DPP10: variants seen among roughly 807,000 people sequenced by gnomAD.
DPP10 encodes the protein inactive dipeptidyl peptidase 10.
In DPP10, 33 loss-of-function variants were observed where a neutral mutation model predicts 120.9. That is an observed-to-expected ratio of 0.27 (90% CI 0.21 to 0.37). DPP10 has a LOEUF of 0.37. Among genes scored for constraint, DPP10 ranks in the 10% least tolerant of loss-of-function variants. The pLI is 1.00. For synonymous variants in DPP10, 337 were observed against 326.1 expected (o/e 1.03, Z -0.36); for missense variants, 816 against 942.8 (o/e 0.87, Z 1.76).
intron 3 of DPP10, among the ~76,000 whole-genome samples, chr2:115,445,032 TAGTG>T (rs936320404): frequency 1.3e-5 from 2 of 152,228 alleles, no homozygotes; most frequent in African/African-American, 4.8e-5. Flanking sequence ...GTTCTTATGA[TAGTG>T]AGTTCTTATG....
In DPP10 at chr2:115,549,338, A is replaced by G. The variant is rs371383377; in HGVS notation, c.441+23366A>G. 1.2e-3 allele frequency among the ~76,000 whole-genome samples: 176 copies of G among 152,114 alleles called. 4 individuals carry two copies. The South Asian group carries it at 0.036, about 31-fold the overall frequency. ...GTGTGATCAGTCTTCTCCCAGTCCA[A>G]CACCCTTTGTCCTTTCTTGTGAGGT... On this transcript the variant is annotated intron_variant, in intron 5 of 25. Coordinates refer to ENST00000410059, the MANE Select transcript of DPP10 (RefSeq NM_020868.6).
intron 1 of DPP10, among the ~76,000 whole-genome samples, chr2:115,108,816 C>A (rs956980989): frequency 2.0e-5 from 3 of 152,120 alleles, no homozygotes; most frequent in South Asian, 2.1e-4. Flanking sequence ...AATGTTATTG[C>A]GGCATGATCA....
intron 1 of DPP10, among the ~76,000 whole-genome samples, chr2:114,624,383 C>CT (rs1212380909): frequency 7.2e-5 from 11 of 151,918 alleles, no homozygotes; most frequent in Non-Finnish European, 1.5e-4. Context: ...TCAAATTTGT[C>CT]TTTTTTGGCA....
intron 5 of DPP10, among the ~76,000 whole-genome samples, chr2:115,555,463 G>C (rs1002063891): frequency 6.6e-6 from 1 of 151,990 alleles, no homozygotes; most frequent in South Asian, 2.1e-4. Context: ...GGAAAACTAC[G>C]ATGAGAAGAG....
intron 17 of DPP10, among the ~76,000 whole-genome samples, chr2:115,784,656 C>A (rs1301340991): frequency 6.6e-6 from 1 of 152,060 alleles, no homozygotes; most frequent in African/African-American, 2.4e-5. Context: ...GCCTCAGCCC[C>A]CCGAGTAGCT....
chr2:114,549,850 A>T (rs1404065714), intron 1 of DPP10, among the ~76,000 whole-genome samples: 2 of 151,890 alleles, frequency 1.3e-5, no homozygotes, highest in Non-Finnish European at 2.9e-5. Context: ...GGTGTAAGAG[A>T]TCCTATCCTG....
At chr2:114,919,747 TTGAC>T (rs551445671) in intron 1 of DPP10, among the ~76,000 whole-genome samples, 67 of 152,336 alleles carry the variant, frequency 4.4e-4, no homozygotes, top group Middle Eastern at 3.4e-3. Context: ...ATTCTGATAG[TTGAC>T]TGGCATAACT....
At chr2:115,657,913 T>C (rs1167976450) in intron 5 of DPP10, among the ~76,000 whole-genome samples, 1 of 151,904 alleles carries the variant, frequency 6.6e-6, no homozygotes, top group Non-Finnish European at 1.5e-5. Flanking sequence ...CTTCCACAGC[T>C]GTGTGGAAGA....
In DPP10 at chr2:115,000,921, G is replaced by T. The variant is rs541832250; in HGVS notation, c.61-308318G>T. Among the ~76,000 whole-genome samples, 174 of 152,218 alleles carry T rather than the reference G, an allele frequency of 1.1e-3. 1 individual carries two copies. The highest frequency in any genetic ancestry group is 4.1e-3 in the African/African-American group (172 of 41,550). On this transcript the variant is annotated intron_variant, in intron 1 of 25. Coordinates refer to ENST00000410059, the MANE Select transcript of DPP10 (RefSeq NM_020868.6). ...ATTATACAAGAAAAAATTGATTAAG[G>T]TATGGCAGCTTTCTCTACTATCCAC...
intron 1 of DPP10, among the ~76,000 whole-genome samples, chr2:114,812,667 CTG>C (rs1040702591): frequency 4.0e-5 from 6 of 151,656 alleles, no homozygotes; most frequent in African/African-American, 1.5e-4. Context: ...GTTCTCACCT[CTG>C]TATCTCTACA....
At chr2:115,237,450 A>G (rs999768684) in intron 1 of DPP10, among the ~76,000 whole-genome samples, 17 of 152,174 alleles carry the variant, frequency 1.1e-4, no homozygotes, top group Non-Finnish European at 1.5e-5. Flanking sequence ...ATACACAGCA[A>G]CTTTGAAATT....
At chr2:114,666,495 G>A (rs1697933306) in intron 1 of DPP10, among the ~76,000 whole-genome samples, 1 of 152,098 alleles carries the variant, frequency 6.6e-6, no homozygotes, top group African/African-American at 2.4e-5. Context: ...CCATATCATG[G>A]GTATTTAGCA....
chr2:115,697,540 C>T (rs1253942108), intron 7 of DPP10, among the ~76,000 whole-genome samples: 1 of 151,074 alleles, frequency 6.6e-6, no homozygotes, highest in African/African-American at 2.4e-5. Flanking sequence ...AATAACAGAC[C>T]ATCAAAATAT....
intron 1 of DPP10, among the ~76,000 whole-genome samples, chr2:115,198,524 T>G (rs768241903): frequency 4.6e-5 from 7 of 152,260 alleles, no homozygotes; most frequent in Non-Finnish European, 8.8e-5. Flanking sequence ...TTGCCTTTGC[T>G]GTTTCACTGG....
At chr2:115,104,729 C>T (rs1171183093) in intron 1 of DPP10, among the ~76,000 whole-genome samples, 2 of 152,138 alleles carry the variant, frequency 1.3e-5, no homozygotes, top group Admixed American at 1.3e-4. Context: ...CTGTTTTGGC[C>T]AGGCGCGGTG....
At position 114,961,448 on chromosome 2, in the gene DPP10, CGTGT is replaced by C. The variant is rs74265866; in HGVS notation, c.61-347771_61-347768del. 4.2e-3 allele frequency among the ~76,000 whole-genome samples: 633 copies of C among 150,270 alleles called. 3 individuals are homozygous for C. Among genetic ancestry groups the C allele is most frequent in the African/African-American group, 0.014 (583 of 40,974 alleles). On this transcript the variant is annotated intron_variant, in intron 1 of 25. Coordinates refer to ENST00000410059, the MANE Select transcript of DPP10 (RefSeq NM_020868.6). ...CTTTGTGTGTGTTTGTGTTTGAATG[CGTGT>C]GTGTGTGTGTGTGTGTGTGCGCGCG...
chr2:114,828,275 A>G (rs1242742348), intron 1 of DPP10, among the ~76,000 whole-genome samples: 1 of 152,254 alleles, frequency 6.6e-6, no homozygotes, highest in East Asian at 1.9e-4. Flanking sequence ...AAGGCAAAGT[A>G]TATGAAAAAC....
At chr2:115,695,107 G>A (rs1024510152) in intron 7 of DPP10, among the ~76,000 whole-genome samples, 9 of 152,210 alleles carry the variant, frequency 5.9e-5, no homozygotes, top group African/African-American at 2.2e-4. Context: ...TTTTTTGAGG[G>A]ATGTCAGCCA....
intron 2 of DPP10, among the ~76,000 whole-genome samples, chr2:115,334,230 G>GTTTTTTTTTTTTTTTTTTTTTTTGTT: frequency 1.8e-5 from 1 of 56,410 alleles, no homozygotes; most frequent in Non-Finnish European, 4.0e-5. Context: ...AGCAGACTCT[G>GTTTTTTTTTTTTTTTTTTTTTTTGTT]TTTTTTTTTT....
Sources: gnomAD v4.1 joint callset for allele counts (sites outside exome capture counted in the v4.1 genomes callset) on GRCh38, gnomAD v4.1.1 for gene constraint, MANE v1.5 for transcripts, NCBI Gene and HGNC (gene_info 2026-07-23, HGNC 2026-07-21) for gene names.